RALGPS2: variants seen among roughly 807,000 people sequenced by gnomAD.
RALGPS2 encodes the protein Ral GEF with PH domain and SH3 binding motif 2.
In RALGPS2, 43 loss-of-function variants were observed where a neutral mutation model predicts 86.8. The ratio of observed to expected loss-of-function variants is 0.50; its 90% CI spans 0.39 to 0.64. The LOEUF is 0.64. Ranked by LOEUF, RALGPS2 falls within the 30% of genes least tolerant of loss-of-function variation. The probability of loss-of-function intolerance (pLI) is 0.00; values close to 1 mark genes in which losing one functional copy is unlikely to be tolerated. For missense variants in RALGPS2, 536 were observed against 694.6 expected (o/e 0.77, Z 2.57); for synonymous variants, 243 against 231.3 (o/e 1.05, Z -0.46).
chr1:178,865,316 A>G (rs1283598450), intron 8 of RALGPS2: 1 of 1,613,902 alleles, frequency 6.2e-7, no homozygotes, highest in African/African-American at 1.3e-5. Flanking sequence ...TTTGTTTTCC[A>G]GTTGGGAAAG....
intron 1 of RALGPS2, chr1:178,746,937 A>C: frequency 9.5e-7 from 1 of 1,051,878 alleles, no homozygotes; most frequent in Non-Finnish European, 1.5e-6. Context: ...TTGTTTGGTG[A>C]ATGATCAAAA....
rs188603043 is a variant in RALGPS2, at chr1:178,899,345, G to A, written c.1524+1589G>A. 9.2e-5 allele frequency among the ~76,000 whole-genome samples: 14 copies of A among 151,750 alleles called. No homozygotes were observed. The East Asian group carries it at 1.9e-3, about 21-fold the overall frequency. ...TTATTGAGTACCAAGGAAATTGACC[G>A]CATTTCTCATCTTTTCTAATTAAAT... On this transcript the variant is annotated intron_variant, in intron 17 of 19. Coordinates refer to ENST00000367635, the MANE Select transcript of RALGPS2 (RefSeq NM_152663.5).
At chr1:178,731,272 GTTTTTTTTTTTTTTT>G (rs57628726) in intron 1 of RALGPS2, among the ~76,000 whole-genome samples, 1 of 57,946 alleles carries the variant, frequency 1.7e-5, no homozygotes, top group Non-Finnish European at 3.0e-5. Context: ...AGTTGTTTTG[GTTTTTTTTTTTTTTT>G]TTTTTTTTTT....
At chr1:178,813,488 C>G (rs553935438) in intron 6 of RALGPS2, among the ~76,000 whole-genome samples, 1 of 152,290 alleles carries the variant, frequency 6.6e-6, no homozygotes, top group East Asian at 1.9e-4. Flanking sequence ...TTAAACCCTT[C>G]TATTCTGACT....
intron 8 of RALGPS2, chr1:178,865,590 G>A: frequency 6.2e-7 from 1 of 1,613,944 alleles, no homozygotes; most frequent in Non-Finnish European, 8.5e-7. Context: ...ACACAGATTG[G>A]CCCTGTTATT....
intron 7 of RALGPS2, among the ~76,000 whole-genome samples, chr1:178,822,833 G>GAA (rs898039136): frequency 6.6e-6 from 1 of 151,124 alleles, no homozygotes; most frequent in African/African-American, 2.4e-5. Flanking sequence ...TATACGCTGT[G>GAA]AAAAAAAAAT....
intron 8 of RALGPS2, among the ~76,000 whole-genome samples, chr1:178,834,969 G>C (rs1656203882): frequency 6.6e-6 from 1 of 152,092 alleles, no homozygotes; most frequent in Admixed American, 6.5e-5. Flanking sequence ...GTAGAGACAG[G>C]GTTTCGCCAT....
chr1:178,751,086 TAG>T (rs753149925), intron 1 of RALGPS2, among the ~76,000 whole-genome samples: 5 of 152,040 alleles, frequency 3.3e-5, no homozygotes, highest in Non-Finnish European at 5.9e-5. Context: ...TTGAGCTGGC[TAG>T]AGTCTTTGTA....
chr1:178,785,612 G>C lies in RALGPS2; in HGVS notation c.213+5G>C. 6.3e-7 allele frequency: 1 copy of C among 1,575,426 alleles called. No homozygotes were observed. Among genetic ancestry groups the C allele is most frequent in the Non-Finnish European group, 8.6e-7 (1 of 1,162,344 alleles). ...TTTAAAGCTATTCAACCAGATGTAA[G>C]TAGTTTTGAGAATGTTCCTTTTAAA... is the stretch of plus-strand genomic sequence containing the variant. On this transcript the variant is annotated splice_donor_5th_base_variant and intron_variant, in intron 4 of 19. Coordinates refer to ENST00000367635, the MANE Select transcript of RALGPS2 (RefSeq NM_152663.5).
chr1:178,808,086 T>G lies in RALGPS2; in HGVS notation c.255T>G (p.Ser85Arg). Residue 85 changes from serine to arginine, a missense_variant, in exon 5 of 20, where the codon AGT (serine) becomes AGG (arginine). Physicochemically the swap from Ser to Arg is moderately radical, Grantham distance 110 (BLOSUM62 -1). This residue lies in a region of RALGPS2 where 184 missense variants were observed against 296.7 expected (regional missense o/e 0.62). Coordinates refer to ENST00000367635, the MANE Select transcript of RALGPS2 (RefSeq NM_152663.5). ...SCGWNKKEKY[S>R]SAPNAVAFTR... Reference sequence around the variant, plus strand: ...GATGGAATAAAAAAGAAAAATATAGTTCTGCACCAAATGCAGTTGCCTTCA... The same window carrying G: ...GATGGAATAAAAAAGAAAAATATAGGTCTGCACCAAATGCAGTTGCCTTCA... The G allele has an allele frequency of 1.9e-6, 3 of 1,611,548 alleles. No individual in the cohort carries two copies. The highest frequency in any genetic ancestry group is 2.5e-6 in the Non-Finnish European group (3 of 1,178,136).
Position 178,725,269 on chromosome 1 carries a change from C to CAGT in RALGPS2, c.-234_-233insAGT. On this transcript the variant is annotated 5_prime_UTR_variant, in exon 1 of 20. Coordinates refer to ENST00000367635, the MANE Select transcript of RALGPS2 (RefSeq NM_152663.5). ...ACTCTCCTCCCCCGAGCGGCAGCGG[C>CAGT]GGCGGCGGCGGCGGCTGCTGCGGGC... The CAGT allele has an allele frequency of 1.1e-5, 2 of 174,836 alleles. No individual in the cohort carries two copies. The highest frequency in any genetic ancestry group is 2.3e-5 in the Non-Finnish European group (2 of 85,456). 10.8% of individuals were successfully genotyped at this position (174,836 alleles called of 1,614,324 possible).
At chr1:178,843,700 A>G (rs1656725024) in intron 8 of RALGPS2, among the ~76,000 whole-genome samples, 1 of 151,968 alleles carries the variant, frequency 6.6e-6, no homozygotes, top group Admixed American at 6.6e-5. Flanking sequence ...AAAAAAAAAC[A>G]GAAGGAAATT....
chr1:178,735,599 TTC>T (rs770080957), intron 1 of RALGPS2, among the ~76,000 whole-genome samples: 4,585 of 107,936 alleles, frequency 0.042, 363 homozygotes, highest in African/African-American at 0.17. Context: ...AATTTTTGTA[TTC>T]TTTTTTTTTT....
chr1:178,757,404 G>C lies in RALGPS2; in HGVS notation c.-83-19278G>C, dbSNP rs140601498. 2.9e-3 allele frequency among the ~76,000 whole-genome samples: 438 copies of C among 152,232 alleles called. 1 individual carries two copies. Among genetic ancestry groups the C allele is most frequent in the Non-Finnish European group, 4.3e-3 (294 of 68,018 alleles). ...AGGGGAATACTCTTAGCTTTTGCCT[G>C]TTCAGTATGATTGGCTGTGGGTTTG... On this transcript the variant is annotated intron_variant, in intron 1 of 19. Coordinates refer to ENST00000367635, the MANE Select transcript of RALGPS2 (RefSeq NM_152663.5).
rs554545370 is a variant in RALGPS2 at position 178,908,118 on chromosome 1, G to A, written c.1722+1251G>A. Among the ~76,000 whole-genome samples the A allele has an allele frequency of 3.9e-5, 6 of 152,116 alleles. No individual in the cohort carries two copies. The East Asian group carries it at 9.7e-4, about 24-fold the overall frequency. ...CCCCACTCTGGTAATGCTCAGTGTC[G>A]ATTGTTCCCATCTTTGTGTCTAGGT... is the stretch of plus-strand genomic sequence containing the variant. On this transcript the variant is annotated intron_variant, in intron 19 of 19. Coordinates refer to ENST00000367635, the MANE Select transcript of RALGPS2 (RefSeq NM_152663.5).
At chr1:178,739,232 T>C (rs1650888593) in intron 1 of RALGPS2, among the ~76,000 whole-genome samples, 1 of 152,252 alleles carries the variant, frequency 6.6e-6, no homozygotes, top group African/African-American at 2.4e-5. Context: ...GAAACTCTGC[T>C]TCTGACTTGC....
chr1:178,835,886 C>G (rs1656249511), intron 8 of RALGPS2, among the ~76,000 whole-genome samples: 1 of 152,110 alleles, frequency 6.6e-6, no homozygotes, highest in Non-Finnish European at 1.5e-5. Context: ...CTTTCTTTTT[C>G]TCATTGAAAT....
chr1:178,888,147 G>C (rs544370339), intron 13 of RALGPS2, among the ~76,000 whole-genome samples: 3 of 152,072 alleles, frequency 2.0e-5, no homozygotes, highest in African/African-American at 7.2e-5. Flanking sequence ...TTGCATTTGT[G>C]TTTATTTTTT....
chr1:178,883,597 C>A, intron 11 of RALGPS2, 64 bp downstream of exon 11: 1 of 1,253,212 alleles, frequency 8.0e-7, no homozygotes, highest in Non-Finnish European at 1.2e-6. Flanking sequence ...GAAGAATATA[C>A]TCCAAAGTAA....
Sources: gnomAD v4.1 joint callset for allele counts (sites outside exome capture counted in the v4.1 genomes callset) on GRCh38, gnomAD v4.1.1 for gene constraint, gnomAD v4.1.1 regional missense constraint, MANE v1.5 for transcripts, NCBI Gene and HGNC (gene_info 2026-07-23, HGNC 2026-07-21) for gene names.